The following NSG2 variants were observed in gnomAD, a reference collection of about 807,000 sequenced individuals.
The protein encoded by NSG2 is neuronal vesicle trafficking associated 2, also known as neuronal vesicle trafficking-associated protein 2.
In NSG2, 4 loss-of-function variants were observed where a neutral mutation model predicts 16.9. That is an observed-to-expected ratio of 0.24 (90% CI 0.12 to 0.54). NSG2 has a LOEUF of 0.54. Among genes scored for constraint, NSG2 ranks in the 20% least tolerant of loss-of-function variants. The probability of loss-of-function intolerance (pLI) is 0.95; values close to 1 mark genes in which losing one functional copy is unlikely to be tolerated. For missense variants in NSG2, 179 were observed against 221.1 expected (o/e 0.81, Z 1.21); for synonymous variants, 98 against 88.7 (o/e 1.11, Z -0.59).
chr5:174,106,780 A>G (rs1256331630), intron 4 of NSG2, among the ~76,000 whole-genome samples: 1 of 151,480 alleles, frequency 6.6e-6, no homozygotes, highest in African/African-American at 2.4e-5. Context: ...TTTTTAGTAG[A>G]GATGGGGTTT....
chr5:174,061,807 G>A (rs1760057294), intron 2 of NSG2, among the ~76,000 whole-genome samples: 1 of 151,390 alleles, frequency 6.6e-6, no homozygotes, highest in Non-Finnish European at 1.5e-5. Flanking sequence ...GTTTCACCAT[G>A]TTGGCCAGGG....
chr5:174,088,583 T>C (rs1285567048), intron 3 of NSG2, among the ~76,000 whole-genome samples: 4 of 152,256 alleles, frequency 2.6e-5, no homozygotes, highest in Non-Finnish European at 4.4e-5. Context: ...AAAAACTCAT[T>C]TGAAACATGG....
At position 174,057,808 on chromosome 5, in the gene NSG2, A is replaced by G. The variant is rs571806484; in HGVS notation, c.130-6424A>G. Among the ~76,000 whole-genome samples the G allele has an allele frequency of 1.2e-3, 177 of 152,234 alleles. 1 individual carries two copies. Among genetic ancestry groups the G allele is most frequent in the African/African-American group, 3.9e-3 (162 of 41,548 alleles). On this transcript the variant is annotated intron_variant, in intron 2 of 4. Coordinates refer to ENST00000303177, the MANE Select transcript of NSG2 (RefSeq NM_015980.5). Reference sequence around the variant, plus strand: ...AAAACTGCTTCTCTGTAGTTGCCTCAGGTGCTGGCCTCCCGGATGTCTTCT... The same window carrying G: ...AAAACTGCTTCTCTGTAGTTGCCTCGGGTGCTGGCCTCCCGGATGTCTTCT...
intron 3 of NSG2, among the ~76,000 whole-genome samples, chr5:174,082,936 C>A (rs59494035): frequency 0.16 from 24,201 of 152,220 alleles, 2,512 homozygotes; most frequent in African/African-American, 0.29. Context: ...CCGGATATGA[C>A]AGACCCACTG....
At chr5:174,048,842 T>C (rs1759840743) in intron 2 of NSG2, among the ~76,000 whole-genome samples, 1 of 152,134 alleles carries the variant, frequency 6.6e-6, no homozygotes, top group South Asian at 2.1e-4. Flanking sequence ...TTGTCTCTCA[T>C]AGTGGGCCTG....
intron 3 of NSG2, among the ~76,000 whole-genome samples, chr5:174,089,320 A>G (rs1236142913): frequency 6.6e-6 from 1 of 152,180 alleles, no homozygotes; most frequent in Non-Finnish European, 1.5e-5. Context: ...CCTTCGCCCC[A>G]AAGAGGGATC....
intron 2 of NSG2, among the ~76,000 whole-genome samples, chr5:174,061,652 G>A (rs772342849): frequency 2.0e-5 from 3 of 152,054 alleles, no homozygotes; most frequent in South Asian, 2.1e-4. Flanking sequence ...TCGCCAGGCT[G>A]GAGTGCAGTG....
chr5:174,054,892 A>T (rs1251725452), intron 2 of NSG2, among the ~76,000 whole-genome samples: 1 of 152,126 alleles, frequency 6.6e-6, no homozygotes, highest in Admixed American at 6.5e-5. Context: ...AACCACTTTG[A>T]CCCTCTGTTT....
At chr5:174,047,499 A>T (rs1759818506) in intron 2 of NSG2, among the ~76,000 whole-genome samples, 1 of 152,166 alleles carries the variant, frequency 6.6e-6, no homozygotes, top group African/African-American at 2.4e-5. Context: ...ACTGCAGAGG[A>T]GAGCATTTGA....
At chr5:174,080,551 T>G (rs867121146) in intron 3 of NSG2, among the ~76,000 whole-genome samples, 1 of 117,786 alleles carries the variant, frequency 8.5e-6, no homozygotes, top group East Asian at 2.1e-4. Context: ...CTCTCTCTCT[T>G]TCTTTTCTTT....
chr5:174,107,426 C>T lies in NSG2; in HGVS notation c.437C>T (p.Thr146Ile). 6.2e-7 allele frequency: 1 copy of T among 1,613,060 alleles called. No homozygotes were observed. The highest frequency in any genetic ancestry group is 8.5e-7 in the Non-Finnish European group (1 of 1,179,148). ...ISHYSVAKQS[T>I]ARAIGPWLSA... ...CACTACAGCGTGGCCAAGCAGAGCA[C>T]TGCCCGGGCCATCGGGCCGTGGCTG... The change falls in exon 5 of 5, where the codon ACT (threonine) becomes ATT (isoleucine). Residue 146 changes from threonine to isoleucine, a missense_variant. By Grantham distance (89) the Thr-to-Ile change is moderately conservative (BLOSUM62 -1). Coordinates refer to ENST00000303177, the MANE Select transcript of NSG2 (RefSeq NM_015980.5). This position sits in a 1 kb window ranked among gnomAD's most constrained non-coding sequence, Gnocchi z 4.5.
At chr5:174,105,582 C>T (rs967964414) in intron 4 of NSG2, among the ~76,000 whole-genome samples, 2 of 152,192 alleles carry the variant, frequency 1.3e-5, no homozygotes, top group Non-Finnish European at 2.9e-5. Context: ...TCCGCAACTC[C>T]ATGTGTCCTT....
chr5:174,098,657 T>C (rs1375421404), intron 3 of NSG2, among the ~76,000 whole-genome samples: 1 of 152,170 alleles, frequency 6.6e-6, no homozygotes, highest in Non-Finnish European at 1.5e-5. Context: ...TTTGTGGTTA[T>C]TTCTTTGGTG....
rs189821740 is a variant in NSG2 at position 174,070,183 on chromosome 5, C to T, written c.213+5868C>T. Among the ~76,000 whole-genome samples, 119 of 152,182 alleles carry T rather than the reference C, an allele frequency of 7.8e-4. 1 individual carries two copies. The highest frequency in any genetic ancestry group is 1.3e-3 in the Non-Finnish European group (86 of 68,000). On this transcript the variant is annotated intron_variant, in intron 3 of 4. Coordinates refer to ENST00000303177, the MANE Select transcript of NSG2 (RefSeq NM_015980.5). ...ATTACAGGTGTGAGCCATCATGCCC[C>T]GTCTGGTCATTTTTTTCGTGGGCTA...
intron 3 of NSG2, among the ~76,000 whole-genome samples, chr5:174,070,220 T>C (rs529173308): frequency 6.6e-5 from 10 of 152,260 alleles, no homozygotes; most frequent in African/African-American, 2.2e-4. Flanking sequence ...TTTTTAGTAC[T>C]TCAGTTATAA....
intron 4 of NSG2, among the ~76,000 whole-genome samples, chr5:174,106,291 A>G (rs180975361): frequency 6.6e-6 from 1 of 152,342 alleles, no homozygotes; most frequent in East Asian, 1.9e-4. Context: ...TACATGAGAA[A>G]AAACAAGAGG....
Position 174,092,030 on chromosome 5 carries a change from T to A in NSG2, c.214-12198T>A, listed in dbSNP as rs150210564. Among the ~76,000 whole-genome samples the A allele has an allele frequency of 2.1e-3, 323 of 152,346 alleles. 1 individual carries two copies. Among genetic ancestry groups the A allele is most frequent in the African/African-American group, 6.2e-3 (256 of 41,588 alleles). Reference sequence around the variant, plus strand: ...TATTCAGAAGCCAGACAAAGGATTTTGAACATTGTCTTGTTCCAATGACAG... The same window carrying A: ...TATTCAGAAGCCAGACAAAGGATTTAGAACATTGTCTTGTTCCAATGACAG... On this transcript the variant is annotated intron_variant, in intron 3 of 4. Coordinates refer to ENST00000303177, the MANE Select transcript of NSG2 (RefSeq NM_015980.5).
intron 3 of NSG2, among the ~76,000 whole-genome samples, chr5:174,091,644 GGTGTGTGTGTGTGTGTGT>G (rs35746227): frequency 7.9e-5 from 11 of 139,700 alleles, no homozygotes; most frequent in East Asian, 2.1e-4. Context: ...AACTAGGACT[GGTGTGTGTGTGTGTGTGT>G]GTGTGTGTGT....
At chr5:174,099,650 TG>T (rs1313412283) in intron 3 of NSG2, among the ~76,000 whole-genome samples, 3 of 152,202 alleles carry the variant, frequency 2.0e-5, no homozygotes, top group African/African-American at 7.2e-5. Flanking sequence ...TCACACCCCT[TG>T]GGCCAGCCAT....
Sources: gnomAD v4.1 joint callset for allele counts (sites outside exome capture counted in the v4.1 genomes callset) on GRCh38, gnomAD v4.1.1 for gene constraint, Gnocchi (gnomAD v3.1) non-coding constraint, MANE v1.5 for transcripts, NCBI Gene and HGNC (gene_info 2026-07-23, HGNC 2026-07-21) for gene names.